The following CD99 variants were observed in gnomAD, a reference collection of about 807,000 sequenced individuals.
CD99 encodes CD99 molecule (Xg blood group).
In CD99, 19 loss-of-function variants were observed where a neutral mutation model predicts 28.4. The ratio of observed to expected loss-of-function variants is 0.67; its 90% CI spans 0.47 to 0.98. The LOEUF is 0.98. CD99 is among the 50% of genes least tolerant of loss of function. The pLI, the probability that CD99 is intolerant of heterozygous loss-of-function variation, is 0.00. For missense variants in CD99, 283 were observed against 248.8 expected (o/e 1.14, Z -0.92); for synonymous variants, 103 against 92.1 (o/e 1.12, Z -0.67).
chrX:2,694,089 A>G (rs111655807), intron 1 of CD99, among the ~76,000 whole-genome samples: 4,760 of 152,256 alleles, frequency 0.031, 242 homozygotes, highest in African/African-American at 0.11. Context: ...CCGTCCCGAC[A>G]GTAGAGTCGC....
At chrX:2,721,468 T>C (rs1040222097) in intron 5 of CD99, among the ~76,000 whole-genome samples, 3 of 151,994 alleles carry the variant, frequency 2.0e-5, no homozygotes, top group Non-Finnish European at 4.4e-5. Context: ...GTTAGTTTTT[T>C]CATTTTTTGT....
Position 2,720,437 on chromosome X carries a change from G to A in CD99, c.262+13G>A. 1.9e-6 allele frequency: 3 copies of A among 1,610,696 alleles called. No individual in the cohort carries two copies. The highest frequency in any genetic ancestry group is 2.5e-6 in the Non-Finnish European group (3 of 1,177,004). ...CCTAGTTCCTCCGGTAAGAGTCTCTGACCCTGTGGGATGTCTTCATGTTGT... is the reference window on the plus strand; with the variant it reads ...CCTAGTTCCTCCGGTAAGAGTCTCTAACCCTGTGGGATGTCTTCATGTTGT... On this transcript the variant is annotated intron_variant, in intron 5 of 9. Coordinates refer to ENST00000381192, the MANE Select transcript of CD99 (RefSeq NM_002414.5).
rs747906409 is a variant in CD99, at chrX:2,719,657, T to C, written c.149-4T>C. On this transcript the variant is annotated splice_region_variant and splice_polypyrimidine_tract_variant and intron_variant, in intron 3 of 9. Transcript: ENST00000381192. The stretch of plus-strand genomic sequence containing the variant: ...GGTATTAACTGCTCTTTCCCCTCTT[T>C]TAGGGGATGACTTTGACTTAGGAGA... The C allele has an allele frequency of 1.9e-6, 3 of 1,613,198 alleles. No homozygotes were observed. Among genetic ancestry groups the C allele is most frequent in the Non-Finnish European group, 2.5e-6 (3 of 1,179,240 alleles).
rs561244905 is a variant in CD99, at chrX:2,731,285, C to T, written c.475+4912C>T. 1.4e-4 allele frequency among the ~76,000 whole-genome samples: 22 copies of T among 152,216 alleles called. 1 individual carries two copies. Among genetic ancestry groups the T allele is most frequent in the African/African-American group, 4.8e-4 (20 of 41,560 alleles). On this transcript the variant is annotated intron_variant, in intron 8 of 9. Coordinates refer to ENST00000381192, the MANE Select transcript of CD99 (RefSeq NM_002414.5). ...ATAAGAAGGATGTGAGTATAGCATGCCCTGGTCCTTCAAGAAACCATGGGC... is the reference window on the plus strand; with the variant it reads ...ATAAGAAGGATGTGAGTATAGCATGTCCTGGTCCTTCAAGAAACCATGGGC...
chrX:2,711,290 TGTATATATA>T lies in CD99; in HGVS notation c.68-3118_68-3110del, dbSNP rs778786873. Among the ~76,000 whole-genome samples, 170 of 148,360 alleles carry T rather than the reference TGTATATATA, an allele frequency of 1.1e-3. 2 individuals are homozygous for T. The highest frequency in any genetic ancestry group is 3.7e-3 in the African/African-American group (149 of 40,786). ...AAATATATAATTCGTATATATAGTA[TGTATATATA>T]GTATATATAGTATGTATGTATATGG... is the stretch of plus-strand genomic sequence containing the variant. On this transcript the variant is annotated intron_variant, in intron 1 of 9. Coordinates refer to ENST00000381192, the MANE Select transcript of CD99 (RefSeq NM_002414.5).
chrX:2,726,901 G>A (rs1292083311), intron 8 of CD99, among the ~76,000 whole-genome samples: 7 of 152,172 alleles, frequency 4.6e-5, no homozygotes, highest in Admixed American at 2.0e-4. Context: ...TTGGGAGGCC[G>A]AGACGGGCGG....
At chrX:2,740,545 C>T (rs2050148953) in intron 9 of CD99, among the ~76,000 whole-genome samples, 1 of 151,932 alleles carries the variant, frequency 6.6e-6, no homozygotes, top group Non-Finnish European at 1.5e-5. Context: ...AAATTGCCTT[C>T]TGCTGTTTTC....
chrX:2,727,236 A>C, intron 8 of CD99: 1 of 760,986 alleles, frequency 1.3e-6, no homozygotes, highest in Non-Finnish European at 2.4e-6. Context: ...TTGGATCGGG[A>C]CTAAAATTTA....
intron 1 of CD99, among the ~76,000 whole-genome samples, chrX:2,701,136 C>T (rs2047841052): frequency 6.6e-6 from 1 of 151,840 alleles, no homozygotes; most frequent in Non-Finnish European, 1.5e-5. Context: ...TCATCCCATC[C>T]AACTACCCAT....
intron 1 of CD99, among the ~76,000 whole-genome samples, chrX:2,705,972 G>A (rs994288930): frequency 4.0e-5 from 6 of 151,734 alleles, no homozygotes; most frequent in African/African-American, 1.5e-4. Context: ...TCTAGGCTGG[G>A]GACCCTTCCC....
chrX:2,741,125 C>T lies in CD99; in HGVS notation c.*321C>T, dbSNP rs183384455. On this transcript the variant is annotated 3_prime_UTR_variant, in exon 10 of 10. Coordinates refer to ENST00000381192, the MANE Select transcript of CD99 (RefSeq NM_002414.5). Reference sequence around the variant, plus strand: ...TGTCAACCCCACCGAGGCACCCCCCCGTCCCCCAGAATCTTGGCTGTTTAC... The same window carrying T: ...TGTCAACCCCACCGAGGCACCCCCCTGTCCCCCAGAATCTTGGCTGTTTAC... 7.2e-4 allele frequency: 275 copies of T among 384,280 alleles called. No homozygotes were observed. Among genetic ancestry groups the T allele is most frequent in the Non-Finnish European group, 1.1e-3 (245 of 213,112 alleles). The allele number at this position is 384,280 out of a possible 1,614,324, so 23.8% of individuals were successfully genotyped here.
At chrX:2,726,179 GTC>G in intron 7 of CD99, 79 bp from the exon 8 acceptor site, 2 of 812,464 alleles carry the variant, frequency 2.5e-6, no homozygotes, top group South Asian at 1.5e-5. Context: ...CAGACTGACT[GTC>G]TCTGCCAGCC....
chrX:2,691,840 C>T (rs372258104), intron 1 of CD99: 1 of 777,960 alleles, frequency 1.3e-6, no homozygotes, highest in Non-Finnish European at 2.4e-6. Context: ...CTGGAGTTGC[C>T]TGTCACAGCC....
At chrX:2,702,868 G>A (rs185226015) in intron 1 of CD99, among the ~76,000 whole-genome samples, 5 of 151,862 alleles carry the variant, frequency 3.3e-5, no homozygotes, top group Non-Finnish European at 7.4e-5. Context: ...TGTAACCTCC[G>A]CCTCCTGTGT....
rs190839111 is a variant in CD99, at chrX:2,707,378, A to G, written c.68-7044A>G. ...AAAACAGCAAAAAGAGAACCCAGGT[A>G]CTGGCTCTCCTCCTGCGTTTGCCCC... is the stretch of plus-strand genomic sequence containing the variant. On this transcript the variant is annotated intron_variant, in intron 1 of 9. Coordinates refer to ENST00000381192, the MANE Select transcript of CD99 (RefSeq NM_002414.5). Among the ~76,000 whole-genome samples, 119 of 152,238 alleles carry G rather than the reference A, an allele frequency of 7.8e-4. 1 individual carries two copies. Among genetic ancestry groups the G allele is most frequent in the African/African-American group, 2.8e-3 (116 of 41,562 alleles).
chrX:2,691,777 T>C (rs2047312629), intron 1 of CD99: 1 of 767,766 alleles, frequency 1.3e-6, no homozygotes, highest in Non-Finnish European at 2.4e-6. Flanking sequence ...CACCCCGTTA[T>C]CTACCCCCAG....
chrX:2,734,996 C>T (rs747471759), intron 8 of CD99, among the ~76,000 whole-genome samples: 1 of 152,124 alleles, frequency 6.6e-6, no homozygotes, highest in Admixed American at 6.6e-5. Context: ...CACCTTCTCA[C>T]AGAGGTCACC....
chrX:2,710,076 G>C (rs185049085), intron 1 of CD99, among the ~76,000 whole-genome samples: 1 of 152,348 alleles, frequency 6.6e-6, no homozygotes, highest in Admixed American at 6.5e-5. Flanking sequence ...TGCCCTTTCT[G>C]TGGAAATATA....
chrX:2,724,459 GGC>G (rs2049168977), intron 7 of CD99, among the ~76,000 whole-genome samples: 1 of 151,878 alleles, frequency 6.6e-6, no homozygotes, highest in South Asian at 2.1e-4. Context: ...GCTCACATCT[GGC>G]ATTTGGAATG....
Sources: allele counts gnomAD v4.1 joint callset (sites outside exome capture counted in the v4.1 genomes callset), GRCh38; gene constraint gnomAD v4.1.1; transcripts MANE v1.5; gene names NCBI Gene and HGNC (gene_info 2026-07-23, HGNC 2026-07-21).